FAM222B: variants seen among roughly 807,000 people sequenced by gnomAD.
The protein encoded by FAM222B is protein FAM222B.
FAM222B carries 12 observed loss-of-function variants against 38.0 expected under a neutral mutation model. That is an observed-to-expected ratio of 0.32 (90% confidence interval 0.20 to 0.51). The LOEUF is 0.51. Among genes scored for constraint, FAM222B ranks in the 20% least tolerant of loss-of-function variants. The probability of loss-of-function intolerance (pLI) is 0.97; values close to 1 mark genes in which losing one functional copy is unlikely to be tolerated. For synonymous variants in FAM222B, 329 were observed against 317.2 expected, an observed-to-expected ratio of 1.04 and a Z score of -0.40; for missense variants, 716 against 754.2, an observed-to-expected ratio of 0.95 and a Z score of 0.59.
At chr17:28,778,905 C>T (rs2036038100) in intron 1 of FAM222B, among the ~76,000 whole-genome samples, 1 of 150,662 alleles carries the variant, frequency 6.6e-6, no homozygotes, top group African/African-American at 2.4e-5. Context: ...GGTTTCAAAG[C>T]TCTATCAGGA....
intron 1 of FAM222B, among the ~76,000 whole-genome samples, chr17:28,796,110 C>T (rs2036928195): frequency 6.6e-6 from 1 of 152,132 alleles, no homozygotes; most frequent in Non-Finnish European, 1.5e-5. Context: ...ATGTGTCATA[C>T]CGGTTATTAA....
intron 1 of FAM222B, among the ~76,000 whole-genome samples, chr17:28,768,538 G>GA (rs898866046): frequency 5.4e-4 from 78 of 144,020 alleles, no homozygotes; most frequent in East Asian, 8.0e-4. Context: ...AGTGCCTCAA[G>GA]AAAAAAAAAA....
At chr17:28,847,786 C>G (rs1271852203), upstream of FAM222B, among the ~76,000 whole-genome samples, 1 of 148,644 alleles carries the variant, frequency 6.7e-6, no homozygotes, top group Non-Finnish European at 1.5e-5. Context: ...CCATGGCGGG[C>G]GCCTATAGTC....
intron 1 of FAM222B, among the ~76,000 whole-genome samples, chr17:28,813,152 CAAAA>C (rs34840127): frequency 8.2e-6 from 1 of 121,810 alleles, no homozygotes; most frequent in Admixed American, 8.6e-5. Context: ...CACACACATA[CAAAA>C]AAAAAAAACA....
intron 1 of FAM222B, among the ~76,000 whole-genome samples, chr17:28,784,995 A>C (rs1363347513): frequency 6.6e-6 from 1 of 151,682 alleles, no homozygotes; most frequent in Non-Finnish European, 1.5e-5. Context: ...GACTCAAATG[A>C]TTCTCCCACC....
intron 1 of FAM222B, among the ~76,000 whole-genome samples, chr17:28,826,056 C>T (rs1040666547): frequency 2.8e-5 from 4 of 144,682 alleles, no homozygotes; most frequent in South Asian, 2.2e-4. Context: ...TTACCGTGCC[C>T]GGCCATTAAC....
chr17:28,783,116 T>G (rs1266457767), intron 1 of FAM222B, among the ~76,000 whole-genome samples: 1 of 143,372 alleles, frequency 7.0e-6, no homozygotes, highest in Non-Finnish European at 1.5e-5. Context: ...CCAGCGTGGG[T>G]GACAGAGCGA....
At chr17:28,817,441 AG>A (rs776879057) in intron 1 of FAM222B, among the ~76,000 whole-genome samples, 5 of 151,540 alleles carry the variant, frequency 3.3e-5, no homozygotes, top group Admixed American at 6.6e-5. Flanking sequence ...AATCATAATA[AG>A]GCCAGGCACA....
At position 28,758,870 on chromosome 17, in the gene FAM222B, G is replaced by A. The variant is rs1262978247; in HGVS notation, c.1089C>T (p.Val363=). ...GGGCCAGCTGGTGCTGGTTCCAGGT[G>A]ACTGGCTTGAGGTCGCTAGGGTAGC... The part of the protein sequence containing the change: ...PTGYPSDLKP[V]TWNQHQLAHL... The change falls in exon 3 of 3, where the codon GTC becomes GTT. Residue 363 remains valine (V), a synonymous_variant. Transcript: ENST00000581407. 3.7e-6 allele frequency: 6 copies of A among 1,607,070 alleles called. No homozygotes were observed. The highest frequency in any genetic ancestry group is 5.1e-6 in the Non-Finnish European group (6 of 1,177,398).
chr17:28,829,164 A>G lies in FAM222B; in HGVS notation c.-41+13518T>C, dbSNP rs1038917016. ...CGAGATCTGCCCGCCTCGGCCTCCC[A>G]AAGTGCTGGGATTACAGGCGTGAGC... On this transcript the variant is annotated intron_variant, in intron 1 of 2. Transcript: ENST00000581407. Among the ~76,000 whole-genome samples, 6 of 151,058 alleles carry G rather than the reference A, an allele frequency of 4.0e-5. No homozygotes were observed. In the South Asian group the frequency reaches 8.4e-4, roughly 21 times the overall value.
intron 1 of FAM222B, among the ~76,000 whole-genome samples, chr17:28,781,828 A>T (rs2036179913): frequency 6.6e-6 from 1 of 152,222 alleles, no homozygotes. Flanking sequence ...AATCTAAAAA[A>T]GTCAAACTCA....
At position 28,759,566 on chromosome 17, in the gene FAM222B, G is replaced by T; in HGVS notation, c.393C>A (p.Pro131=). ...CCACAGTAGCATAGGGTGCCACTGGGGGGTTCATGATGGCCTCAGGGAGCA... is the reference window on the plus strand; with the variant it reads ...CCACAGTAGCATAGGGTGCCACTGGTGGGTTCATGATGGCCTCAGGGAGCA... The part of the protein sequence containing the change: ...ARLLPEAIMN[P]PVAPYATVAP... Residue 131 remains proline (P), a synonymous_variant, in exon 3 of 3, where the codon CCC becomes CCA. Transcript: ENST00000581407. This position sits in a 1 kb window ranked among gnomAD's most constrained non-coding sequence, Gnocchi z 4.8. 1 of 1,610,716 alleles carries T rather than the reference G, an allele frequency of 6.2e-7. No individual in the cohort carries two copies. The highest frequency in any genetic ancestry group is 8.5e-7 in the Non-Finnish European group (1 of 1,178,304).
chr17:28,796,112 G>A (rs941078222), intron 1 of FAM222B, among the ~76,000 whole-genome samples: 15 of 152,258 alleles, frequency 9.9e-5, no homozygotes, highest in African/African-American at 1.9e-4. Flanking sequence ...GTGTCATACC[G>A]GTTATTAAAA....
chr17:28,844,559 G>C (rs1205135957), upstream of FAM222B, among the ~76,000 whole-genome samples: 1 of 152,170 alleles, frequency 6.6e-6, no homozygotes, highest in Non-Finnish European at 1.5e-5. Context: ...TCAGGAGGCT[G>C]AGGCAAGAGA....
upstream of FAM222B, among the ~76,000 whole-genome samples, chr17:28,846,754 G>C (rs1410242973): frequency 6.6e-6 from 1 of 151,912 alleles, no homozygotes; most frequent in Non-Finnish European, 1.5e-5. Context: ...AATATCCAAG[G>C]GTTCAGCATC....
intron 1 of FAM222B, among the ~76,000 whole-genome samples, chr17:28,811,059 CAA>C (rs61081382): frequency 1.4e-5 from 2 of 147,798 alleles, no homozygotes; most frequent in South Asian, 2.1e-4. Flanking sequence ...AAAGTGTTGC[CAA>C]AAAAAAAAAT....
Position 28,766,662 on chromosome 17 carries a change from T to C in FAM222B, c.6A>G (p.Leu2=), listed in dbSNP as rs182601873. 1.6e-5 allele frequency: 26 copies of C among 1,602,590 alleles called. No homozygotes were observed. The highest frequency in any genetic ancestry group is 1.0e-4 in the Admixed American group (6 of 58,178). ...GGTCACCTGGCCCTGGTAGACAGGC[T>C]AGCATGGCAGATTGGCATCAACACA... M[L]ACLPGPGDLS... Residue 2 remains leucine, a synonymous_variant, in exon 2 of 3, where the codon CTA becomes CTG. Transcript: ENST00000581407.
At chr17:28,814,451 C>A (rs937624605) in intron 1 of FAM222B, among the ~76,000 whole-genome samples, 1 of 152,050 alleles carries the variant, frequency 6.6e-6, no homozygotes, top group Non-Finnish European at 1.5e-5. Context: ...GTATGACATG[C>A]CTGTTTTTAT....
intron 1 of FAM222B, among the ~76,000 whole-genome samples, chr17:28,836,326 A>ACC (rs2038844861): frequency 6.6e-6 from 1 of 151,646 alleles, no homozygotes; most frequent in Non-Finnish European, 1.5e-5. Flanking sequence ...TTCCCATGAA[A>ACC]TAGTATGATC....
Sources: allele counts gnomAD v4.1 joint callset (sites outside exome capture counted in the v4.1 genomes callset), GRCh38; gene constraint gnomAD v4.1.1; non-coding constraint Gnocchi (gnomAD v3.1); transcripts MANE v1.5; gene names NCBI Gene and HGNC (gene_info 2026-07-23, HGNC 2026-07-21).